The following ANKRD12 variants were observed in gnomAD, a reference collection of about 807,000 sequenced individuals.
ANKRD12 encodes the protein ankyrin repeat domain 12, also known as ankyrin repeat domain-containing protein 12.
Under a neutral mutation model 183.4 loss-of-function variants are expected in ANKRD12, and 85 were observed. The observed-to-expected ratio is 0.46, with a 90% CI of 0.39 to 0.56. The LOEUF is 0.56. Among genes scored for constraint, ANKRD12 ranks in the 20% least tolerant of loss-of-function variants. ANKRD12 has a pLI of 0.00. For missense variants in ANKRD12, 2,405 were observed against 2,357.1 expected, an observed-to-expected ratio of 1.02 and a Z score of -0.42; for synonymous variants, 914 against 800.2, an observed-to-expected ratio of 1.14 and a Z score of -2.40.
intron 3 of ANKRD12, among the ~76,000 whole-genome samples, chr18:9,197,097 A>G (rs1013579510): frequency 5.3e-5 from 8 of 152,216 alleles, no homozygotes; most frequent in Non-Finnish European, 7.3e-5. Context: ...AATATTTTTA[A>G]GGAATAAAGT....
At position 9,256,345 on chromosome 18, in the gene ANKRD12, A is replaced by G. The variant is rs1320356506; in HGVS notation, c.3078A>G (p.Arg1026=). ...ATAAAAAAGATAAAGATATAGATAGATACAAAGAACGAGACAAACATAAAG... is the reference window on the plus strand; with the variant it reads ...ATAAAAAAGATAAAGATATAGATAGGTACAAAGAACGAGACAAACATAAAG... The part of the protein sequence containing the change: ...EKDKKDKDID[R]YKERDKHKDK... The change falls in exon 9 of 13, where the codon AGA becomes AGG. Residue 1026 remains arginine, a synonymous_variant. Coordinates refer to ENST00000262126, the MANE Select transcript of ANKRD12 (RefSeq NM_015208.5). 2 of 1,593,754 alleles carry G rather than the reference A, an allele frequency of 1.3e-6. No homozygotes were observed. Among genetic ancestry groups the G allele is most frequent in the Non-Finnish European group, 1.7e-6 (2 of 1,170,850 alleles).
At chr18:9,243,819 G>C (rs2037795020) in intron 8 of ANKRD12, among the ~76,000 whole-genome samples, 1 of 152,340 alleles carries the variant, frequency 6.6e-6, no homozygotes, top group African/African-American at 2.4e-5. Flanking sequence ...CAAATGTTAG[G>C]AAAATAGTTT....
Position 9,208,652 on chromosome 18 carries a change from T to C in ANKRD12, c.305-5T>C. On this transcript the variant is annotated splice_polypyrimidine_tract_variant and splice_region_variant and intron_variant, in intron 4 of 12. Transcript: ENST00000262126. ...AAATTCTTACATATTTGTTAATAAT[T>C]CCAGAGAAAGAAGGTCCAGAAAAGA... 6.3e-7 allele frequency: 1 copy of C among 1,593,636 alleles called. No individual in the cohort carries two copies. The highest frequency in any genetic ancestry group is 8.5e-7 in the Non-Finnish European group (1 of 1,173,314).
intron 1 of ANKRD12, among the ~76,000 whole-genome samples, chr18:9,143,591 G>A (rs1458803600): frequency 6.6e-6 from 1 of 152,204 alleles, no homozygotes; most frequent in Non-Finnish European, 1.5e-5. Flanking sequence ...TCCCCGAGGA[G>A]CTGGGATTAC....
At chr18:9,225,600 A>G (rs2036658787) in intron 8 of ANKRD12, among the ~76,000 whole-genome samples, 1 of 152,166 alleles carries the variant, frequency 6.6e-6, no homozygotes, top group African/African-American at 2.4e-5. Flanking sequence ...TTATTTTGAC[A>G]TCAATGTTTT....
intron 1 of ANKRD12, among the ~76,000 whole-genome samples, chr18:9,155,702 A>G (rs544933108): frequency 2.0e-5 from 3 of 152,256 alleles, no homozygotes; most frequent in Admixed American, 6.5e-5. Context: ...ATGAGTTTGC[A>G]TACTTCTGTA....
intron 8 of ANKRD12, among the ~76,000 whole-genome samples, chr18:9,239,929 T>C (rs2037562789): frequency 6.6e-6 from 1 of 152,218 alleles, no homozygotes; most frequent in South Asian, 2.1e-4. Flanking sequence ...CCAGTGCTAC[T>C]CAGAGTAGCC....
chr18:9,212,848 G>A (rs2035884635), intron 6 of ANKRD12, among the ~76,000 whole-genome samples: 1 of 151,846 alleles, frequency 6.6e-6, no homozygotes, highest in African/African-American at 2.4e-5. Context: ...AGTAGTGATG[G>A]TAAACATTTC....
chr18:9,238,859 C>G (rs745790413), intron 8 of ANKRD12, among the ~76,000 whole-genome samples: 26 of 152,316 alleles, frequency 1.7e-4, no homozygotes, highest in Non-Finnish European at 3.5e-4. Context: ...CAGTGGCTCA[C>G]GCCTGTAATC....
intron 10 of ANKRD12, among the ~76,000 whole-genome samples, chr18:9,267,417 CTG>C (rs1174289922): frequency 3.3e-5 from 5 of 152,280 alleles, no homozygotes; most frequent in South Asian, 4.2e-4. Flanking sequence ...TTATAACAAA[CTG>C]TCTCTCAGAC....
At chr18:9,264,334 C>CT (rs1166092549) in intron 10 of ANKRD12, among the ~76,000 whole-genome samples, 11 of 152,138 alleles carry the variant, frequency 7.2e-5, no homozygotes, top group Non-Finnish European at 1.3e-4. Flanking sequence ...GAAGAAAAAC[C>CT]TTTATCGGGT....
intron 1 of ANKRD12, among the ~76,000 whole-genome samples, chr18:9,176,519 G>T (rs2033282535): frequency 1.3e-5 from 2 of 151,810 alleles, no homozygotes; most frequent in Non-Finnish European, 2.9e-5. Context: ...TTAAACTCCT[G>T]AGCTCAAGCA....
chr18:9,213,920 C>T (rs2035945867), intron 6 of ANKRD12, among the ~76,000 whole-genome samples: 1 of 151,720 alleles, frequency 6.6e-6, no homozygotes, highest in Admixed American at 6.6e-5. Flanking sequence ...CTTTAAAATT[C>T]TTTTTCATAG....
chr18:9,233,362 T>C (rs2037163748), intron 8 of ANKRD12, among the ~76,000 whole-genome samples: 1 of 152,174 alleles, frequency 6.6e-6, no homozygotes, highest in South Asian at 2.1e-4. Context: ...AATTCTCTTA[T>C]ATCTCACTGA....
intron 10 of ANKRD12, among the ~76,000 whole-genome samples, chr18:9,265,744 A>G (rs2039250092): frequency 6.6e-6 from 1 of 152,224 alleles, no homozygotes; most frequent in South Asian, 2.1e-4. Flanking sequence ...GCAGCTCCTC[A>G]CCAGCAACGG....
rs2040114891 is a variant in ANKRD12 at position 9,281,817 on chromosome 18, A to G, written c.*691A>G. 1 of 152,606 alleles carries G rather than the reference A, an allele frequency of 6.6e-6. No homozygotes were observed. Among genetic ancestry groups the G allele is most frequent in the African/African-American group, 2.4e-5 (1 of 41,446 alleles). 9.5% of individuals were successfully genotyped at this position (152,606 alleles called of 1,614,324 possible). A position where few individuals can be genotyped will look rare whatever the true frequency, so the allele number is the denominator to read the frequency against. ...GTAGTAGTAGTGTGTACAGGTAGAA[A>G]ACTTTTAAATACAGCATGCAGGTGT... On this transcript the variant is annotated 3_prime_UTR_variant, in exon 13 of 13. Transcript: ENST00000262126.
intron 1 of ANKRD12, among the ~76,000 whole-genome samples, chr18:9,170,855 G>C (rs1290503733): frequency 3.3e-5 from 5 of 152,026 alleles, no homozygotes; most frequent in Non-Finnish European, 7.4e-5. Context: ...TTTGGTCTTT[G>C]ATGATGGTGA....
chr18:9,144,730 A>C (rs1430222662), intron 1 of ANKRD12, among the ~76,000 whole-genome samples: 2 of 152,212 alleles, frequency 1.3e-5, no homozygotes, highest in African/African-American at 4.8e-5. Context: ...AAAGTTATAC[A>C]TATCTAGTAA....
chr18:9,240,701 C>T (rs913421605), intron 8 of ANKRD12, among the ~76,000 whole-genome samples: 10 of 152,152 alleles, frequency 6.6e-5, no homozygotes, highest in Non-Finnish European at 1.5e-4. Flanking sequence ...TATAAATGCT[C>T]CTCACTTGCA....
Sources: allele counts gnomAD v4.1 joint callset (sites outside exome capture counted in the v4.1 genomes callset), GRCh38; gene constraint gnomAD v4.1.1; transcripts MANE v1.5; gene names NCBI Gene and HGNC (gene_info 2026-07-23, HGNC 2026-07-21).